PCBP3: variants seen among roughly 807,000 people sequenced by gnomAD.
The protein encoded by PCBP3 is poly(rC) binding protein 3, also known as poly(rC)-binding protein 3.
A neutral mutation model predicts 52.7 loss-of-function variants in PCBP3; 25 were observed. The ratio of observed to expected loss-of-function variants is 0.47; its 90% CI spans 0.35 to 0.66. The LOEUF (loss-of-function observed/expected upper bound fraction) is 0.66. PCBP3 is among the 30% of genes least tolerant of loss of function. The pLI is 0.01. For synonymous variants in PCBP3, 162 were observed against 183.0 expected (o/e 0.89, Z 0.93); for missense variants, 391 against 490.3 (o/e 0.80, Z 1.91).
intron 4 of PCBP3, among the ~76,000 whole-genome samples, chr21:45,806,816 T>C (rs2092519707): frequency 6.6e-6 from 1 of 152,118 alleles, no homozygotes; most frequent in South Asian, 2.1e-4. Context: ...CCCAGAGCAC[T>C]GAGGCACTGG....
At chr21:45,862,523 G>T (rs1251847096) in intron 5 of PCBP3, among the ~76,000 whole-genome samples, 1 of 152,070 alleles carries the variant, frequency 6.6e-6, no homozygotes, top group Non-Finnish European at 1.5e-5. Flanking sequence ...GTCCTTCTGG[G>T]TAATGATCAG....
At position 45,855,204 on chromosome 21, in the gene PCBP3, T is replaced by G. The variant is rs550457098; in HGVS notation, c.10+5109T>G. Among the ~76,000 whole-genome samples the G allele has an allele frequency of 2.2e-3, 333 of 152,024 alleles. 1 individual carries two copies. The Middle Eastern group carries it at 0.031, about 14-fold the overall frequency. On this transcript the variant is annotated intron_variant, in intron 5 of 17. Transcript: ENST00000681687. ...TTTCCCACAGCTGATCCTGGAGGAG[T>G]GCACCTGGGAAGCCAGTGCACAGAG...
At chr21:45,848,081 A>C (rs1482642760) in intron 4 of PCBP3, 1 of 152,220 alleles carries the variant, frequency 6.6e-6, no homozygotes, top group African/African-American at 2.4e-5. Flanking sequence ...GAGGGTGTCC[A>C]GGTGGCATCT....
intron 4 of PCBP3, among the ~76,000 whole-genome samples, chr21:45,822,958 G>A (rs992161268): frequency 9.2e-5 from 14 of 152,190 alleles, no homozygotes; most frequent in African/African-American, 3.4e-4. Context: ...CCCTGTCACT[G>A]TGACTCACAT....
intron 1 of PCBP3, among the ~76,000 whole-genome samples, chr21:45,660,628 T>C (rs2080327943): frequency 6.6e-6 from 1 of 152,236 alleles, no homozygotes; most frequent in South Asian, 2.1e-4. Flanking sequence ...GTCTTACTAC[T>C]GGCAATTTGT....
intron 2 of PCBP3, among the ~76,000 whole-genome samples, chr21:45,701,539 T>C (rs550308310): frequency 1.7e-4 from 26 of 152,314 alleles, no homozygotes; most frequent in African/African-American, 6.0e-4. Flanking sequence ...ATAAAAACAT[T>C]TTATTATTTA....
In PCBP3 at chr21:45,731,231, C is replaced by T. The variant is rs543971625; in HGVS notation, c.-199-4161C>T. 4.3e-4 allele frequency among the ~76,000 whole-genome samples: 66 copies of T among 152,254 alleles called. 2 individuals carry two copies. In the South Asian group the frequency reaches 0.012, roughly 28 times the overall value. On this transcript the variant is annotated intron_variant, in intron 2 of 17. Transcript: ENST00000681687. ...TTGGCCACCAATAGTACAATGAGCT[C>T]AACCAAGGAGGATTTAACAAGGGAA...
rs931670642 is a variant in PCBP3 at position 45,772,927 on chromosome 21, ATT to A, written c.-126+17477_-126+17478del. Among the ~76,000 whole-genome samples, 21 of 151,928 alleles carry A rather than the reference ATT, an allele frequency of 1.4e-4. 1 individual carries two copies. Among genetic ancestry groups the A allele is most frequent in the African/African-American group, 4.6e-4 (19 of 41,464 alleles). ...CCTTTGTTCACTTTTTAGTGGGACT[ATT>A]TGTTTTTTTCCCTTTTGATTGAGTT... On this transcript the variant is annotated intron_variant, in intron 4 of 17. Transcript: ENST00000681687.
rs973221739 is a variant in PCBP3, at chr21:45,737,048, A to G, written c.-162+1619A>G. ...CTGCAGGGCCAAGGGGGTTTGGAGC[A>G]GAAGCTCGGGTCTGACATGCCTGGT... is the stretch of plus-strand genomic sequence containing the variant. On this transcript the variant is annotated intron_variant, in intron 3 of 17. Coordinates refer to ENST00000681687, the MANE Select transcript of PCBP3 (RefSeq NM_001384156.1). The surrounding 1 kb of genome is among the most constrained non-coding windows in gnomAD (Gnocchi z 4.9). Among the ~76,000 whole-genome samples the G allele has an allele frequency of 2.6e-5, 4 of 152,122 alleles. No homozygotes were observed. The highest frequency in any genetic ancestry group is 5.9e-5 in the Non-Finnish European group (4 of 68,004).
At chr21:45,891,000 A>G (rs2095646383) in intron 5 of PCBP3, among the ~76,000 whole-genome samples, 1 of 151,012 alleles carries the variant, frequency 6.6e-6, no homozygotes, top group Admixed American at 6.6e-5. Context: ...GAGATAATAG[A>G]ACCTGGAACT....
chr21:45,910,892 C>T lies in PCBP3; in HGVS notation c.472-10C>T. 1 of 1,595,138 alleles carries T rather than the reference C, an allele frequency of 6.3e-7. No homozygotes were observed. Among genetic ancestry groups the T allele is most frequent in the Non-Finnish European group, 8.5e-7 (1 of 1,171,668 alleles). On this transcript the variant is annotated splice_polypyrimidine_tract_variant and intron_variant, in intron 10 of 17. Coordinates refer to ENST00000681687, the MANE Select transcript of PCBP3 (RefSeq NM_001384156.1). ...CCCTGGTGCTCCCTTCCAATGTCCCCTCTCTCCAGTCCACAGGTGCCCAGG... is the reference window on the plus strand; with the variant it reads ...CCCTGGTGCTCCCTTCCAATGTCCCTTCTCTCCAGTCCACAGGTGCCCAGG...
Position 45,837,568 on chromosome 21 carries a change from TG to T in PCBP3, c.-125-12388del, listed in dbSNP as rs761366754. On this transcript the variant is annotated intron_variant, in intron 4 of 17. Transcript: ENST00000681687. The surrounding 1 kb of genome is among the most constrained non-coding windows in gnomAD (Gnocchi z 4.1). ...CTGTAGCCCTGGGTTGTCTGCCTCTTGGGGGTAGCGGCTGTGTGGAATGCCT... is the reference window on the plus strand; with the variant it reads ...CTGTAGCCCTGGGTTGTCTGCCTCTTGGGGTAGCGGCTGTGTGGAATGCCT... Among the ~76,000 whole-genome samples, 12 of 152,160 alleles carry T rather than the reference TG, an allele frequency of 7.9e-5. No homozygotes were observed. The highest frequency in any genetic ancestry group is 1.6e-4 in the Non-Finnish European group (11 of 68,018).
intron 4 of PCBP3, among the ~76,000 whole-genome samples, chr21:45,848,562 G>C (rs1281405921): frequency 6.6e-6 from 1 of 152,128 alleles, no homozygotes; most frequent in Non-Finnish European, 1.5e-5. Flanking sequence ...ACACTCAGCT[G>C]AATCTCTCTC....
At chr21:45,921,954 A>G (rs2074507023) in intron 13 of PCBP3, among the ~76,000 whole-genome samples, 1 of 152,216 alleles carries the variant, frequency 6.6e-6, no homozygotes, top group African/African-American at 2.4e-5. Context: ...TTGAAGAGGC[A>G]CAGAGCTGCT....
At position 45,838,092 on chromosome 21, in the gene PCBP3, G is replaced by A. The variant is rs146346870; in HGVS notation, c.-125-11869G>A. The stretch of plus-strand genomic sequence containing the variant: ...CTTTGCACTCAGTTGTTCTCACTGC[G>A]ATGAGTTGGTTTCTGGAAGCCCCAG... On this transcript the variant is annotated intron_variant, in intron 4 of 17. Coordinates refer to ENST00000681687, the MANE Select transcript of PCBP3 (RefSeq NM_001384156.1). 2.8e-4 allele frequency among the ~76,000 whole-genome samples: 43 copies of A among 152,322 alleles called. 1 individual carries two copies. The highest frequency in any genetic ancestry group is 3.4e-3 in the Middle Eastern group (1 of 294).
At chr21:45,739,015 G>A (rs2086133119) in intron 3 of PCBP3, among the ~76,000 whole-genome samples, 1 of 111,284 alleles carries the variant, frequency 9.0e-6, no homozygotes, top group South Asian at 3.4e-4. Context: ...GGTCCTCTGG[G>A]TGGCCCCACC....
chr21:45,816,083 A>AGTCAGTGG (rs1340346076), intron 4 of PCBP3, among the ~76,000 whole-genome samples: 2 of 57,000 alleles, frequency 3.5e-5, no homozygotes, highest in Non-Finnish European at 7.1e-5. Flanking sequence ...GTGGTGAGTG[A>AGTCAGTGG]TGAGTGGTGA....
intron 4 of PCBP3, among the ~76,000 whole-genome samples, 101 bp downstream of exon 4, chr21:45,755,553 C>T (rs1005963538): frequency 1.3e-5 from 2 of 152,180 alleles, no homozygotes; most frequent in Non-Finnish European, 2.9e-5. Context: ...CATGAGAGTT[C>T]CTGTTGCTTG....
intron 4 of PCBP3, among the ~76,000 whole-genome samples, chr21:45,799,189 ATAAG>A (rs2146675536): frequency 1.3e-5 from 2 of 152,382 alleles, no homozygotes; most frequent in Admixed American, 1.3e-4. Flanking sequence ...GGGCCGGAAT[ATAAG>A]TAATTGGATA....
Sources: allele counts gnomAD v4.1 joint callset (sites outside exome capture counted in the v4.1 genomes callset), GRCh38; gene constraint gnomAD v4.1.1; non-coding constraint Gnocchi (gnomAD v3.1); transcripts MANE v1.5; gene names NCBI Gene and HGNC (gene_info 2026-07-23, HGNC 2026-07-21).